Variants in HIPK2 observed in about 807,000 individuals in gnomAD.
HIPK2 encodes homeodomain-interacting protein kinase 2.
Under a neutral mutation model 113.7 loss-of-function variants are expected in HIPK2, and 27 were observed. The ratio of observed to expected loss-of-function variants is 0.24; its 90% confidence interval spans 0.17 to 0.33. The LOEUF is 0.33. Ranked by LOEUF, HIPK2 falls within the 10% of genes least tolerant of loss-of-function variation. HIPK2 has a pLI of 1.00. For missense variants in HIPK2, 1,257 were observed against 1,588.0 expected (o/e 0.79, Z 3.54); for synonymous variants, 631 against 642.2 (o/e 0.98, Z 0.26).
intron 4 of HIPK2, among the ~76,000 whole-genome samples, chr7:139,629,827 A>C (rs1221818421): frequency 6.6e-6 from 1 of 152,008 alleles, no homozygotes; most frequent in East Asian, 1.9e-4. Flanking sequence ...CTTCAATAAA[A>C]CACAACAGCA....
At chr7:139,669,542 C>T (rs114952047) in intron 2 of HIPK2, among the ~76,000 whole-genome samples, 3,215 of 151,868 alleles carry the variant, frequency 0.021, 106 homozygotes, top group African/African-American at 0.074. Flanking sequence ...GGTTCTTACA[C>T]GGATGGTATC....
chr7:139,732,821 G>GTA (rs1569482568), intron 1 of HIPK2, among the ~76,000 whole-genome samples: 1 of 117,550 alleles, frequency 8.5e-6, no homozygotes, highest in Non-Finnish European at 1.9e-5. Context: ...ATATATATAT[G>GTA]TGTGTGTGTG....
At chr7:139,675,980 C>T (rs1180027760) in intron 2 of HIPK2, among the ~76,000 whole-genome samples, 3 of 152,192 alleles carry the variant, frequency 2.0e-5, no homozygotes, top group African/African-American at 7.2e-5. Flanking sequence ...CTTTCCTAAA[C>T]CTTACATATC....
chr7:139,712,468 A>C (rs181747401), intron 2 of HIPK2, among the ~76,000 whole-genome samples: 1 of 152,310 alleles, frequency 6.6e-6, no homozygotes, highest in Admixed American at 6.5e-5. Context: ...CTGGGACGAT[A>C]ATGTGCCCAG....
chr7:139,582,952 T>C (rs1798716061), intron 13 of HIPK2, among the ~76,000 whole-genome samples: 1 of 152,266 alleles, frequency 6.6e-6, no homozygotes, highest in South Asian at 2.1e-4. Context: ...CCCAGTTTCC[T>C]GTAGCGACCT....
chr7:139,700,775 G>A (rs967384638), intron 2 of HIPK2, among the ~76,000 whole-genome samples: 3 of 152,040 alleles, frequency 2.0e-5, no homozygotes, highest in Non-Finnish European at 2.9e-5. Flanking sequence ...ACTCAAACGG[G>A]GTGTGCCCAG....
At chr7:139,596,508 G>C (rs1295181839) in intron 12 of HIPK2, among the ~76,000 whole-genome samples, 1 of 152,222 alleles carries the variant, frequency 6.6e-6, no homozygotes. Flanking sequence ...AGACCAACAT[G>C]ATTCGACATT....
At chr7:139,757,278 GA>G (rs1241571359) in intron 1 of HIPK2, among the ~76,000 whole-genome samples, 1 of 152,090 alleles carries the variant, frequency 6.6e-6, no homozygotes, top group Non-Finnish European at 1.5e-5. Flanking sequence ...TTTCACCTAG[GA>G]AAAGATAAAA....
intron 2 of HIPK2, among the ~76,000 whole-genome samples, chr7:139,697,917 T>C (rs1794609255): frequency 6.6e-6 from 1 of 150,812 alleles, no homozygotes; most frequent in Admixed American, 6.6e-5. Context: ...TCGCCCAGAC[T>C]GGAGTGCATT....
intron 2 of HIPK2, among the ~76,000 whole-genome samples, chr7:139,644,434 GCC>G (rs1039435410): frequency 1.3e-5 from 2 of 152,202 alleles, no homozygotes; most frequent in Non-Finnish European, 2.9e-5. Flanking sequence ...CGGTGTGGCA[GCC>G]CCCATGCCTC....
chr7:139,698,464 GT>G (rs1222740289), intron 2 of HIPK2, among the ~76,000 whole-genome samples: 1 of 152,134 alleles, frequency 6.6e-6, no homozygotes, highest in East Asian at 1.9e-4. Flanking sequence ...CTTCTTTTGG[GT>G]GTATACCTAG....
At chr7:139,598,899 G>C (rs1799319308) in intron 11 of HIPK2, among the ~76,000 whole-genome samples, 1 of 152,194 alleles carries the variant, frequency 6.6e-6, no homozygotes, top group South Asian at 2.1e-4. Context: ...GCTGTCACAA[G>C]GCTGCCAAAC....
chr7:139,764,062 A>G (rs1796514198), intron 1 of HIPK2, among the ~76,000 whole-genome samples: 1 of 152,246 alleles, frequency 6.6e-6, no homozygotes, highest in Admixed American at 6.5e-5. Context: ...CATGTGTTAG[A>G]TAAGCTCGTT....
At chr7:139,614,577 C>A (rs1471513609) in intron 7 of HIPK2, 84 bp from the exon 8 acceptor site, 4 of 906,378 alleles carry the variant, frequency 4.4e-6, no homozygotes, top group Non-Finnish European at 6.0e-6. Flanking sequence ...GAATCTAAAT[C>A]AAATAAATGA....
intron 1 of HIPK2, among the ~76,000 whole-genome samples, chr7:139,752,522 G>A (rs562102737): frequency 1.9e-4 from 29 of 152,078 alleles, no homozygotes; most frequent in African/African-American, 5.3e-4. Context: ...CTGAACTGCT[G>A]GAAACCAAAA....
In HIPK2 at chr7:139,697,874, T is replaced by A. The variant is rs993510255; in HGVS notation, c.1103+18058A>T. Among the ~76,000 whole-genome samples, 747 of 150,522 alleles carry A rather than the reference T, an allele frequency of 5.0e-3. 6 individuals are homozygous for A. Among genetic ancestry groups the A allele is most frequent in the Non-Finnish European group, 4.8e-3 (326 of 67,656 alleles). On this transcript the variant is annotated intron_variant, in intron 2 of 14. Transcript: ENST00000406875. The stretch of plus-strand genomic sequence containing the variant: ...TCTGTCTTAATGGAATTTTTTTTTT[T>A]TTTTTTTTTTTTTGAGACGGAGTCT...
Position 139,613,909 on chromosome 7 carries a change from C to T in HIPK2, c.1990+377G>A, listed in dbSNP as rs1799926485. Among the ~76,000 whole-genome samples the T allele has an allele frequency of 6.6e-6, 1 of 152,204 alleles. No homozygotes were observed. Among genetic ancestry groups the T allele is most frequent in the South Asian group, 2.1e-4 (1 of 4,830 alleles). ...TTCATGGGAGCTGGGACTATGTCGGCTGTCAGAGATTGGCAGTTTTCTACA... is the reference window on the plus strand; with the variant it reads ...TTCATGGGAGCTGGGACTATGTCGGTTGTCAGAGATTGGCAGTTTTCTACA... On this transcript the variant is annotated intron_variant, in intron 8 of 14. Transcript: ENST00000406875. The surrounding 1 kb of genome is among the most constrained non-coding windows in gnomAD (Gnocchi z 4.2).
At chr7:139,649,719 G>T (rs1447536968) in intron 2 of HIPK2, among the ~76,000 whole-genome samples, 1 of 152,108 alleles carries the variant, frequency 6.6e-6, no homozygotes, top group African/African-American at 2.4e-5. Flanking sequence ...GAAAACTTCT[G>T]GGGCCACCTG....
chr7:139,583,795 C>T (rs2116546797), intron 13 of HIPK2, 22 bp downstream of exon 13: 1 of 1,602,840 alleles, frequency 6.2e-7, no homozygotes, highest in Non-Finnish European at 8.5e-7. Flanking sequence ...GAGGTTCCTG[C>T]CCTGTCCTGG....
Sources: allele counts gnomAD v4.1 joint callset (sites outside exome capture counted in the v4.1 genomes callset), GRCh38; gene constraint gnomAD v4.1.1; non-coding constraint Gnocchi (gnomAD v3.1); transcripts MANE v1.5; gene names NCBI Gene and HGNC (gene_info 2026-07-23, HGNC 2026-07-21).